The following SH3GL3 variants were observed in gnomAD, a reference collection of about 807,000 sequenced individuals.
SH3GL3 encodes the protein SH3 domain containing GRB2 like 3, endophilin A3.
SH3GL3 carries 33 observed loss-of-function variants against 47.7 expected under a neutral mutation model. That is an observed-to-expected ratio of 0.69 (90% confidence interval 0.52 to 0.92). The LOEUF (loss-of-function observed/expected upper bound fraction) is 0.92. Ranked by LOEUF, SH3GL3 falls within the 40% of genes least tolerant of loss-of-function variation. The pLI, the probability that SH3GL3 is intolerant of heterozygous loss-of-function variation, is 0.00. For missense variants in SH3GL3, 363 were observed against 417.8 expected (o/e 0.87, Z 1.14); for synonymous variants, 155 against 148.8 (o/e 1.04, Z -0.30).
the SH3GL3 span, among the ~76,000 whole-genome samples, chr15:83,625,814 T>TTTG: frequency 5.9e-5 from 9 of 152,208 alleles, no homozygotes; most frequent in South Asian, 6.2e-4. Flanking sequence ...GGAATTAATT[T>TTTG]TTGTTGTTGT....
intron 8 of SH3GL3, among the ~76,000 whole-genome samples, chr15:83,593,933 G>A (rs187041768): frequency 3.8e-4 from 58 of 151,980 alleles, no homozygotes; most frequent in African/African-American, 1.4e-3. Flanking sequence ...ATCCTCCCAC[G>A]TTAGCCTCCC....
At position 83,572,400 on chromosome 15, in the gene SH3GL3, G is replaced by A. The variant is rs564583192; in HGVS notation, c.332-165G>A. Among the ~76,000 whole-genome samples the A allele has an allele frequency of 1.3e-4, 20 of 152,296 alleles. 1 individual carries two copies. Among genetic ancestry groups the A allele is most frequent in the African/African-American group, 4.8e-4 (20 of 41,572 alleles). On this transcript the variant is annotated intron_variant, in intron 4 of 8. Transcript: ENST00000427482. ...GAGAGGAAAATACAGAAAATAGGAA[G>A]CCTTGCTTTTTCTTTTTCATTCTGA...
In SH3GL3 at chr15:83,447,665, C is replaced by A; in HGVS notation, c.45+87C>A. ...TCCCGGGCCTTTGGGACTCCTGTTC[C>A]CTGAAGGGCCTCTCTCGGGGCTCAA... On this transcript the variant is annotated intron_variant, in intron 1 of 8. Transcript: ENST00000427482. This position sits in a 1 kb window ranked among gnomAD's most constrained non-coding sequence, Gnocchi z 5.1. 1.1e-6 allele frequency: 1 copy of A among 931,994 alleles called. No homozygotes were observed. Among genetic ancestry groups the A allele is most frequent in the Non-Finnish European group, 1.5e-6 (1 of 656,710 alleles). 57.7% of individuals were successfully genotyped at this position (931,994 alleles called of 1,614,324 possible).
At chr15:83,489,537 G>A (rs932509332) in intron 1 of SH3GL3, among the ~76,000 whole-genome samples, 3 of 152,194 alleles carry the variant, frequency 2.0e-5, no homozygotes, top group African/African-American at 7.2e-5. Flanking sequence ...GCAGGTTTAT[G>A]TATTTGCAAA....
At chr15:83,468,020 CA>C (rs1248226300) in intron 1 of SH3GL3, among the ~76,000 whole-genome samples, 2 of 152,090 alleles carry the variant, frequency 1.3e-5, no homozygotes, top group African/African-American at 4.8e-5. Flanking sequence ...TTAGTAGAGA[CA>C]GGGTTTCACC....
Position 83,447,715 on chromosome 15 carries a change from A to G in SH3GL3, c.45+137A>G, listed in dbSNP as rs1440343865. 6 of 568,960 alleles carry G rather than the reference A, an allele frequency of 1.1e-5. No homozygotes were observed. In the East Asian group the frequency reaches 2.1e-4, roughly 20 times the overall value. The allele number at this position is 568,960 out of a possible 1,614,324, so 35.2% of individuals were successfully genotyped here. A position where few individuals can be genotyped will look rare whatever the true frequency, so the allele number is the denominator to read the frequency against. On this transcript the variant is annotated intron_variant, in intron 1 of 8. Transcript: ENST00000427482. The surrounding 1 kb of genome is among the most constrained non-coding windows in gnomAD (Gnocchi z 5.1). ...ATTTCTTCCCGCCTAGGAGGGCGCG[A>G]GGGTGGGGTGAGGGGCCGCCTGCTC... is the stretch of plus-strand genomic sequence containing the variant.
At chr15:83,478,842 A>G (rs982816812) in intron 1 of SH3GL3, among the ~76,000 whole-genome samples, 6 of 152,274 alleles carry the variant, frequency 3.9e-5, no homozygotes, top group Non-Finnish European at 7.3e-5. Context: ...GGCTTGGCCC[A>G]TAATAAACGT....
At chr15:83,542,653 G>A (rs1310327682) in intron 1 of SH3GL3, among the ~76,000 whole-genome samples, 1 of 152,002 alleles carries the variant, frequency 6.6e-6, no homozygotes. Flanking sequence ...TTGCATCAAT[G>A]CTTTATCGTT....
At chr15:83,469,429 C>G (rs368564396) in intron 1 of SH3GL3, among the ~76,000 whole-genome samples, 2 of 152,058 alleles carry the variant, frequency 1.3e-5, no homozygotes, top group Non-Finnish European at 2.9e-5. Flanking sequence ...TGATTTGAGA[C>G]CTTTTCTGTC....
intron 1 of SH3GL3, among the ~76,000 whole-genome samples, chr15:83,538,739 A>G (rs1478668759): frequency 6.6e-6 from 1 of 152,170 alleles, no homozygotes; most frequent in Non-Finnish European, 1.5e-5. Flanking sequence ...ATAGTGTTGT[A>G]TTGTAGAAAT....
At chr15:83,589,706 A>G (rs2060044836) in intron 8 of SH3GL3, among the ~76,000 whole-genome samples, 1 of 152,144 alleles carries the variant, frequency 6.6e-6, no homozygotes, top group Admixed American at 6.6e-5. Flanking sequence ...GCGAGATTAT[A>G]CTAGGCATAT....
chr15:83,627,225 A>T, the SH3GL3 span, among the ~76,000 whole-genome samples: 2 of 152,046 alleles, frequency 1.3e-5, no homozygotes, highest in Non-Finnish European at 1.5e-5. Flanking sequence ...GTGAAACCCC[A>T]TCTCTACTAA....
At chr15:83,472,219 G>A (rs1217687835) in intron 1 of SH3GL3, among the ~76,000 whole-genome samples, 2 of 152,128 alleles carry the variant, frequency 1.3e-5, no homozygotes, top group Non-Finnish European at 2.9e-5. Context: ...CATTTACTTA[G>A]CTTCTTGGAT....
At chr15:83,510,302 T>G (rs553714506) in intron 1 of SH3GL3, among the ~76,000 whole-genome samples, 1 of 152,286 alleles carries the variant, frequency 6.6e-6, no homozygotes, top group East Asian at 1.9e-4. Flanking sequence ...TCTTTGTTCA[T>G]GGAAGAGAAA....
intron 1 of SH3GL3, among the ~76,000 whole-genome samples, chr15:83,508,323 G>A (rs928392828): frequency 3.3e-5 from 5 of 152,096 alleles, no homozygotes; most frequent in African/African-American, 7.2e-5. Flanking sequence ...TAAGGACGCC[G>A]GCTATGTAGA....
At chr15:83,494,850 TGTTTTTAAAATATCA>T (rs1356222028) in intron 1 of SH3GL3, among the ~76,000 whole-genome samples, 2 of 152,094 alleles carry the variant, frequency 1.3e-5, no homozygotes, top group Non-Finnish European at 2.9e-5. Context: ...GGCCGCTTTT[TGTTTTTAAAATATCA>T]GTTTCCAACC....
intron 1 of SH3GL3, among the ~76,000 whole-genome samples, chr15:83,494,513 T>G (rs1218026631): frequency 2.6e-5 from 4 of 151,962 alleles, no homozygotes; most frequent in Non-Finnish European, 5.9e-5. Context: ...TGGTTAAGTT[T>G]TAAAACCTTT....
chr15:83,499,519 T>A (rs1427429604), intron 1 of SH3GL3, among the ~76,000 whole-genome samples: 1 of 152,186 alleles, frequency 6.6e-6, no homozygotes, highest in East Asian at 1.9e-4. Flanking sequence ...CATTTTAAAG[T>A]GTAGTCATAC....
intron 8 of SH3GL3, chr15:83,609,369 A>C: frequency 2.2e-6 from 1 of 451,668 alleles, no homozygotes; most frequent in South Asian, 1.6e-5. Flanking sequence ...GCCAGACTAC[A>C]AGGGAGGCAA....
Sources: gnomAD v4.1 joint callset for allele counts (sites outside exome capture counted in the v4.1 genomes callset) on GRCh38, gnomAD v4.1.1 for gene constraint, Gnocchi (gnomAD v3.1) non-coding constraint, MANE v1.5 for transcripts, NCBI Gene and HGNC (gene_info 2026-07-23, HGNC 2026-07-21) for gene names.